The following GLRA2 variants were observed in gnomAD, a reference collection of about 807,000 sequenced individuals.
GLRA2 encodes the protein glycine receptor subunit alpha-2.
Under a neutral mutation model 31.6 loss-of-function variants are expected in GLRA2, and 11 were observed. That is an observed-to-expected ratio of 0.35 (90% CI 0.22 to 0.58). The LOEUF (loss-of-function observed/expected upper bound fraction) is 0.58, where lower values mean the gene tolerates loss of function less well. GLRA2 is among the 20% of genes least tolerant of loss of function. The probability of loss-of-function intolerance (pLI) is 0.84; values close to 1 mark genes in which losing one functional copy is unlikely to be tolerated. For synonymous variants in GLRA2, 132 were observed against 134.0 expected (o/e 0.99, Z 0.10); for missense variants, 212 against 351.8 (o/e 0.60, Z 3.18).
At chrX:14,647,818 T>A (rs755044230) in intron 7 of GLRA2, among the ~76,000 whole-genome samples, 14 of 112,067 alleles carry the variant, frequency 1.2e-4, no homozygotes, top group Middle Eastern at 9.3e-3. Flanking sequence ...AAGAGATAGC[T>A]TGAATGAATG....
At chrX:14,468,988 C>G in the GLRA2 span, among the ~76,000 whole-genome samples, 1 of 110,648 alleles carries the variant, frequency 9.0e-6, no homozygotes, top group Admixed American at 9.6e-5. Context: ...TGTTCATGTC[C>G]TTCGCCCACT....
chrX:14,491,401 G>A, the GLRA2 span, among the ~76,000 whole-genome samples: 1 of 111,485 alleles, frequency 9.0e-6, no homozygotes, highest in Admixed American at 9.6e-5. Context: ...TAGGTTGCCT[G>A]AAGAGTTTGT....
chrX:14,711,510 G>T (rs768957519), intron 8 of GLRA2, among the ~76,000 whole-genome samples: 67 of 112,172 alleles, frequency 6.0e-4, no homozygotes, highest in African/African-American at 2.2e-3. Flanking sequence ...GCAGAAATTG[G>T]AGAGAGCATG....
At chrX:14,564,898 A>C (rs2089782827) in intron 2 of GLRA2, among the ~76,000 whole-genome samples, 1 of 111,519 alleles carries the variant, frequency 9.0e-6, no homozygotes, top group African/African-American at 3.3e-5. Flanking sequence ...AATATGTGAA[A>C]AGTTAACACA....
the GLRA2 span, among the ~76,000 whole-genome samples, chrX:14,517,857 A>G: frequency 8.9e-6 from 1 of 111,789 alleles, no homozygotes; most frequent in Non-Finnish European, 1.9e-5. Flanking sequence ...TGTTACCAAT[A>G]ATATTTTATT....
chrX:14,636,083 G>A (rs757517386), intron 7 of GLRA2, among the ~76,000 whole-genome samples: 7 of 111,675 alleles, frequency 6.3e-5, no homozygotes, highest in East Asian at 2.8e-4. Flanking sequence ...TACCCACATC[G>A]TAAAACAAAT....
chrX:14,713,827 TATG>T (rs1444715780), intron 8 of GLRA2, among the ~76,000 whole-genome samples: 1 of 111,148 alleles, frequency 9.0e-6, no homozygotes, highest in African/African-American at 3.3e-5. Flanking sequence ...TACAAGGACT[TATG>T]AGGAGAACCA....
At chrX:14,590,395 A>G (rs939116655) in intron 4 of GLRA2, among the ~76,000 whole-genome samples, 6 of 111,725 alleles carry the variant, frequency 5.4e-5, no homozygotes, top group Non-Finnish European at 1.1e-4. Context: ...ACCCACATAC[A>G]TAAAAGGCTA....
intron 7 of GLRA2, among the ~76,000 whole-genome samples, chrX:14,683,316 T>C (rs1395852120): frequency 1.8e-5 from 2 of 112,246 alleles, no homozygotes; most frequent in African/African-American, 6.5e-5. Context: ...GATGAGCAGT[T>C]TTTCATGTGT....
intron 4 of GLRA2, among the ~76,000 whole-genome samples, chrX:14,588,907 T>C (rs936613211): frequency 8.9e-6 from 1 of 112,197 alleles, no homozygotes; most frequent in African/African-American, 3.2e-5. Context: ...GAAATGCTAC[T>C]GATTTTTGTA....
intron 6 of GLRA2, among the ~76,000 whole-genome samples, chrX:14,608,419 A>G (rs971341818): frequency 4.5e-5 from 5 of 111,528 alleles, no homozygotes; most frequent in Non-Finnish European, 9.4e-5. Flanking sequence ...GGCTTATACA[A>G]ATGTACATTT....
At chrX:14,688,069 C>A (rs2091299604) in intron 7 of GLRA2, among the ~76,000 whole-genome samples, 1 of 112,170 alleles carries the variant, frequency 8.9e-6, no homozygotes, top group Admixed American at 9.4e-5. Context: ...AGGTCCACTC[C>A]AGATCCTGTT....
At chrX:14,626,146 A>G (rs983217886) in intron 7 of GLRA2, among the ~76,000 whole-genome samples, 5 of 112,272 alleles carry the variant, frequency 4.5e-5, no homozygotes, top group African/African-American at 1.6e-4. Context: ...TGCATCACCA[A>G]TTTATATGTA....
At chrX:14,622,373 C>T (rs977300383) in intron 7 of GLRA2, among the ~76,000 whole-genome samples, 12 of 111,833 alleles carry the variant, frequency 1.1e-4, no homozygotes, top group Non-Finnish European at 2.1e-4. Flanking sequence ...TTAATTAGAT[C>T]CCATTTGTCA....
chrX:14,690,827 C>G lies in GLRA2; in HGVS notation c.1048C>G (p.Arg350Gly). ...FVSRQHKEFL[R>G]LRRRQKRQNK... is the part of the protein sequence containing the mutation. The stretch of plus-strand genomic sequence containing the variant: ...CTCCAGGCAACACAAGGAGTTCCTG[C>G]GCCTCCGAAGAAGACAGAAGAGGCA... Residue 350 changes from arginine to glycine, a missense_variant, in exon 8 of 9, where the codon CGC becomes GGC. Transcript: ENST00000218075. The G allele has an allele frequency of 3.3e-6, 4 of 1,206,814 alleles. No homozygotes were observed. Among genetic ancestry groups the G allele is most frequent in the Non-Finnish European group, 4.5e-6 (4 of 891,380 alleles).
chrX:14,457,690 T>TTTATAATCC, the GLRA2 span, among the ~76,000 whole-genome samples: 2 of 111,290 alleles, frequency 1.8e-5, no homozygotes, highest in Non-Finnish European at 3.8e-5. Flanking sequence ...AGTAGAATGA[T>TTTATAATCC]TTATAATCCT....
chrX:14,712,322 CA>C (rs1413882952), intron 8 of GLRA2, among the ~76,000 whole-genome samples: 4 of 111,870 alleles, frequency 3.6e-5, no homozygotes, highest in Non-Finnish European at 5.6e-5. Flanking sequence ...TTGTGACAAC[CA>C]AAATGTCTCC....
intron 7 of GLRA2, among the ~76,000 whole-genome samples, chrX:14,627,657 T>G (rs1330563653): frequency 9.0e-6 from 1 of 111,363 alleles, no homozygotes; most frequent in East Asian, 2.8e-4. Flanking sequence ...CCTTTTATCT[T>G]TAGCTTCCCA....
At chrX:14,474,898 C>A in the GLRA2 span, among the ~76,000 whole-genome samples, 3 of 112,137 alleles carry the variant, frequency 2.7e-5, no homozygotes, top group Non-Finnish European at 3.8e-5. Flanking sequence ...CTGGCCAAAT[C>A]AAATCTGAAG....
Sources: allele counts gnomAD v4.1 joint callset (sites outside exome capture counted in the v4.1 genomes callset), GRCh38; gene constraint gnomAD v4.1.1; transcripts MANE v1.5; gene names NCBI Gene and HGNC (gene_info 2026-07-23, HGNC 2026-07-21).